Variants in PHLPP1 observed in about 807,000 individuals in gnomAD.
PHLPP1 encodes the protein PH domain leucine-rich repeat-containing protein phosphatase 1.
PHLPP1 carries 42 observed loss-of-function variants against 117.2 expected under a neutral mutation model. The ratio of observed to expected loss-of-function variants is 0.36; its 90% CI spans 0.28 to 0.46. The LOEUF (loss-of-function observed/expected upper bound fraction) is 0.46, where lower values mean the gene tolerates loss of function less well. Among genes scored for constraint, PHLPP1 ranks in the 20% least tolerant of loss-of-function variants. The pLI is 1.00. For missense variants in PHLPP1, 2,084 were observed against 2,241.9 expected, an observed-to-expected ratio of 0.93 and a Z score of 1.42; for synonymous variants, 1,042 against 970.7, an observed-to-expected ratio of 1.07 and a Z score of -1.37.
rs1911293025 is a variant in PHLPP1 at position 62,978,997 on chromosome 18, G to A, written c.4720G>A (p.Ala1574Thr). The change falls in exon 17 of 17, where the codon GCC (alanine) becomes ACC (threonine). Residue 1574 changes from alanine (A) to threonine (T), a missense_variant. Ala to Thr is a moderately conservative substitution (Grantham distance 58, BLOSUM62 0). Coordinates refer to ENST00000262719, the MANE Select transcript of PHLPP1 (RefSeq NM_194449.4). The surrounding 1 kb of genome is among the most constrained non-coding windows in gnomAD (Gnocchi z 7.0). Reference sequence around the variant, plus strand: ...GGAGGTGGACATCCACTGCAGCCGGGCCAAGGAGAAGGAGAAACAGCAGCA... The same window carrying A: ...GGAGGTGGACATCCACTGCAGCCGGACCAAGGAGAAGGAGAAACAGCAGCA... ...EVEVDIHCSR[A>T]KEKEKQQHLL... 3 of 1,612,848 alleles carry A rather than the reference G, an allele frequency of 1.9e-6. No homozygotes were observed. The highest frequency in any genetic ancestry group is 2.5e-6 in the Non-Finnish European group (3 of 1,179,568).
intron 14 of PHLPP1, among the ~76,000 whole-genome samples, chr18:62,967,802 A>G (rs548969404): frequency 1.9e-4 from 29 of 149,440 alleles, no homozygotes; most frequent in Admixed American, 2.7e-4. Flanking sequence ...GTATAAATGC[A>G]TTTGGTCACG....
intron 1 of PHLPP1, among the ~76,000 whole-genome samples, chr18:62,734,811 A>G (rs1911325514): frequency 6.6e-6 from 1 of 152,216 alleles, no homozygotes; most frequent in South Asian, 2.1e-4. Context: ...CATTAGAGCA[A>G]TATCAACACT....
At chr18:62,756,405 A>G (rs1912021993) in intron 1 of PHLPP1, among the ~76,000 whole-genome samples, 1 of 152,248 alleles carries the variant, frequency 6.6e-6, no homozygotes, top group African/African-American at 2.4e-5. Context: ...CATCGTCTGC[A>G]AGTAATGGAC....
At chr18:62,931,776 T>A (rs780133595) in intron 10 of PHLPP1, among the ~76,000 whole-genome samples, 3 of 147,374 alleles carry the variant, frequency 2.0e-5, no homozygotes, top group Non-Finnish European at 3.0e-5. Context: ...ATGTCTATAA[T>A]CCCAGCTACT....
intron 1 of PHLPP1, among the ~76,000 whole-genome samples, chr18:62,739,406 A>G (rs1911458241): frequency 1.3e-5 from 2 of 152,304 alleles, no homozygotes; most frequent in East Asian, 3.9e-4. Context: ...GGGAAGGGAC[A>G]TGAGGAGCCG....
chr18:62,773,210 C>T (rs1339049049), intron 1 of PHLPP1, among the ~76,000 whole-genome samples: 1 of 152,102 alleles, frequency 6.6e-6, no homozygotes, highest in Non-Finnish European at 1.5e-5. Flanking sequence ...AGATCCCCAC[C>T]CCACTTAATT....
At chr18:62,731,287 C>T (rs1911220183) in intron 1 of PHLPP1, 1 of 152,174 alleles carries the variant, frequency 6.6e-6, no homozygotes, top group Non-Finnish European at 1.5e-5. Context: ...TGCTAATTTT[C>T]TCTGTATCAT....
rs144473443 is a variant in PHLPP1, at chr18:62,743,493, C to G, written c.1576+26234C>G. On this transcript the variant is annotated intron_variant, in intron 1 of 16. Coordinates refer to ENST00000262719, the MANE Select transcript of PHLPP1 (RefSeq NM_194449.4). ...AATCCTAGATCTCATATCATTTCATCCATAAATACCTCTAAACTTAAGTAT... is the reference window on the plus strand; with the variant it reads ...AATCCTAGATCTCATATCATTTCATGCATAAATACCTCTAAACTTAAGTAT... Among the ~76,000 whole-genome samples the G allele has an allele frequency of 6.6e-5, 10 of 152,164 alleles. 1 individual carries two copies. The East Asian group carries it at 1.9e-3, about 29-fold the overall frequency.
intron 6 of PHLPP1, among the ~76,000 whole-genome samples, chr18:62,896,643 G>A (rs1389395070): frequency 3.3e-5 from 5 of 151,856 alleles, no homozygotes; most frequent in Admixed American, 1.3e-4. Flanking sequence ...TCTCTTGCCC[G>A]GCCTGGAGTG....
chr18:62,840,460 A>AT (rs1915021771), intron 3 of PHLPP1, among the ~76,000 whole-genome samples: 2 of 152,226 alleles, frequency 1.3e-5, no homozygotes, highest in South Asian at 2.1e-4. Context: ...TTTTAAAATT[A>AT]TTCATATGTT....
chr18:62,812,547 A>G (rs1454904710), intron 1 of PHLPP1, among the ~76,000 whole-genome samples: 1 of 152,154 alleles, frequency 6.6e-6, no homozygotes, highest in African/African-American at 2.4e-5. Context: ...AGTCATTCCT[A>G]AGGCCTCTAA....
At chr18:62,917,725 G>A (rs1453702571) in intron 9 of PHLPP1, among the ~76,000 whole-genome samples, 1 of 151,632 alleles carries the variant, frequency 6.6e-6, no homozygotes, top group Non-Finnish European at 1.5e-5. Flanking sequence ...GAGGCAGGAG[G>A]ATTGCTTGAG....
chr18:62,820,803 G>C (rs941239618), intron 1 of PHLPP1, among the ~76,000 whole-genome samples: 1 of 152,150 alleles, frequency 6.6e-6, no homozygotes, highest in African/African-American at 2.4e-5. Context: ...AAGATAGACT[G>C]TATTTTACAC....
intron 12 of PHLPP1, 130 bp from the exon 13 acceptor site, chr18:62,958,499 T>A: frequency 1.3e-6 from 1 of 797,702 alleles, no homozygotes; most frequent in Non-Finnish European, 1.9e-6. Flanking sequence ...ATAAGCCTCC[T>A]TTTCCACATT....
At chr18:62,930,719 C>A (rs1909782826) in intron 10 of PHLPP1, among the ~76,000 whole-genome samples, 1 of 152,144 alleles carries the variant, frequency 6.6e-6, no homozygotes. Context: ...ATACTCTATC[C>A]AACAACCACA....
chr18:62,972,372 A>C lies in PHLPP1; in HGVS notation c.3561-142A>C. On this transcript the variant is annotated intron_variant, in intron 14 of 16. Coordinates refer to ENST00000262719, the MANE Select transcript of PHLPP1 (RefSeq NM_194449.4). ...AAATTGGCTGTTGGAAATTAGCTGG[A>C]GTCAGTTTACCTGCCCTTAATCTGT... is the stretch of plus-strand genomic sequence containing the variant. The C allele has an allele frequency of 2.0e-5, 13 of 635,464 alleles. No homozygotes were observed. The South Asian group carries it at 3.4e-4, about 17-fold the overall frequency. 39.4% of individuals were successfully genotyped at this position (635,464 alleles called of 1,614,324 possible). A position where few individuals can be genotyped will look rare whatever the true frequency, so the allele number is the denominator to read the frequency against.
chr18:62,726,074 T>C (rs117921566), intron 1 of PHLPP1, among the ~76,000 whole-genome samples: 2,032 of 152,156 alleles, frequency 0.013, 21 homozygotes, highest in South Asian at 0.047. Flanking sequence ...GGCAAACTTA[T>C]TCTTCCTTAT....
chr18:62,946,410 C>T (rs1036950435), intron 12 of PHLPP1, among the ~76,000 whole-genome samples: 52 of 152,048 alleles, frequency 3.4e-4, no homozygotes, highest in African/African-American at 1.0e-3. Context: ...GGATTACAGG[C>T]GCCTGCCACC....
At chr18:62,799,959 G>A (rs1308672737) in intron 1 of PHLPP1, among the ~76,000 whole-genome samples, 2 of 152,158 alleles carry the variant, frequency 1.3e-5, no homozygotes, top group East Asian at 3.8e-4. Flanking sequence ...AAGGTTTAGT[G>A]TAGAAAATGC....
Sources: gnomAD v4.1 joint callset for allele counts (sites outside exome capture counted in the v4.1 genomes callset) on GRCh38, gnomAD v4.1.1 for gene constraint, Gnocchi (gnomAD v3.1) non-coding constraint, MANE v1.5 for transcripts, NCBI Gene and HGNC (gene_info 2026-07-23, HGNC 2026-07-21) for gene names.